The following APBA2 variants were observed in gnomAD, a reference collection of about 807,000 sequenced individuals.
The protein encoded by APBA2 is amyloid-beta A4 precursor protein-binding family A member 2.
APBA2 carries 30 observed loss-of-function variants against 75.0 expected under a neutral mutation model. That is an observed-to-expected ratio of 0.40 (90% CI 0.30 to 0.54). The LOEUF (loss-of-function observed/expected upper bound fraction) is 0.54. Among genes scored for constraint, APBA2 ranks in the 20% least tolerant of loss-of-function variants. The pLI is 0.49. For synonymous variants in APBA2, 444 were observed against 409.6 expected, an observed-to-expected ratio of 1.08 and a Z score of -1.01; for missense variants, 801 against 1,016.1, an observed-to-expected ratio of 0.79 and a Z score of 2.88.
rs192987601 is a variant in APBA2, at chr15:29,043,719, G to T, written c.-40-10126G>T. Among the ~76,000 whole-genome samples the T allele has an allele frequency of 4.6e-5, 7 of 152,254 alleles. No homozygotes were observed. In the East Asian group the frequency reaches 1.3e-3, roughly 29 times the overall value. On this transcript the variant is annotated intron_variant, in intron 3 of 14. Transcript: ENST00000683413. ...ATTTATCTAGGATCCTGTTATTGAA[G>T]GTTTAGTGTGTGCTCAATATTTTTG...
chr15:29,046,130 T>C lies in APBA2; in HGVS notation c.-40-7715T>C, dbSNP rs1375322227. Among the ~76,000 whole-genome samples the C allele has an allele frequency of 1.3e-5, 2 of 152,108 alleles. No homozygotes were observed. The highest frequency in any genetic ancestry group is 4.8e-5 in the African/African-American group (2 of 41,412). ...TGAAAAAGTTGCTTACACATTGAGG[T>C]GTGTTAAATGGAATTCTTTATCATA... On this transcript the variant is annotated intron_variant, in intron 3 of 14. Transcript: ENST00000683413. The surrounding 1 kb of genome is among the most constrained non-coding windows in gnomAD (Gnocchi z 5.0).
At chr15:29,062,383 T>C (rs1252820434) in intron 4 of APBA2, among the ~76,000 whole-genome samples, 1 of 152,138 alleles carries the variant, frequency 6.6e-6, no homozygotes, top group Non-Finnish European at 1.5e-5. Context: ...CTGCTACTGA[T>C]TCCCAGGATT....
intron 14 of APBA2, among the ~76,000 whole-genome samples, chr15:29,116,244 C>G (rs2045121969): frequency 6.6e-6 from 1 of 152,140 alleles, no homozygotes; most frequent in African/African-American, 2.4e-5. Context: ...CTCACCGATC[C>G]CCAAAGGCTA....
intron 2 of APBA2, among the ~76,000 whole-genome samples, chr15:28,969,901 C>T (rs1350948466): frequency 6.6e-6 from 1 of 152,252 alleles, no homozygotes; most frequent in African/African-American, 2.4e-5. Context: ...AAGGCACTGC[C>T]AGCTGCTCAC....
Position 28,939,974 on chromosome 15 carries a change from C to T in APBA2, c.-95+18225C>T, listed in dbSNP as rs555361071. ...TAGTGTACGTGGCTGTGCGCTCCAT[C>T]TCCGTGCTTACAGCCCTACAAAGTG... On this transcript the variant is annotated intron_variant, in intron 2 of 14. Transcript: ENST00000683413. Among the ~76,000 whole-genome samples, 414 of 152,322 alleles carry T rather than the reference C, an allele frequency of 2.7e-3. 1 individual carries two copies. The highest frequency in any genetic ancestry group is 4.7e-3 in the Non-Finnish European group (318 of 68,026).
intron 1 of APBA2, among the ~76,000 whole-genome samples, chr15:28,886,791 C>G (rs1442016348): frequency 6.6e-6 from 1 of 152,198 alleles, no homozygotes; most frequent in African/African-American, 2.4e-5. Flanking sequence ...GAGGGGAAAA[C>G]TTATCAATTC....
intron 2 of APBA2, among the ~76,000 whole-genome samples, chr15:28,982,579 A>G (rs574014345): frequency 2.0e-5 from 3 of 152,342 alleles, no homozygotes; most frequent in Non-Finnish European, 2.9e-5. Context: ...CTGATGATAT[A>G]TATTTCTGCT....
chr15:29,104,778 T>G (rs966975276), intron 10 of APBA2, among the ~76,000 whole-genome samples: 3 of 152,090 alleles, frequency 2.0e-5, no homozygotes, highest in Admixed American at 2.0e-4. Flanking sequence ...CGGCATCAGA[T>G]GAGTGGAAAG....
chr15:28,985,432 A>G (rs2037869347), intron 2 of APBA2, among the ~76,000 whole-genome samples: 1 of 152,204 alleles, frequency 6.6e-6, no homozygotes, highest in African/African-American at 2.4e-5. Context: ...AGAGCACTGA[A>G]AGGAGGCCTA....
chr15:28,971,511 C>T (rs985143413), intron 2 of APBA2, among the ~76,000 whole-genome samples: 14 of 152,158 alleles, frequency 9.2e-5, no homozygotes, highest in Non-Finnish European at 1.8e-4. Context: ...TAAGAGACAT[C>T]TGAAATGTCA....
intron 1 of APBA2, among the ~76,000 whole-genome samples, chr15:28,903,500 T>G (rs1286589086): frequency 6.6e-6 from 1 of 152,326 alleles, no homozygotes; most frequent in South Asian, 2.1e-4. Flanking sequence ...CCATTTCAGC[T>G]TCAAGTTACA....
rs550402041 is a variant in APBA2, at chr15:29,079,141, C to T, written c.1069+3050C>T. Among the ~76,000 whole-genome samples the T allele has an allele frequency of 2.0e-5, 3 of 152,160 alleles. No individual in the cohort carries two copies. In the South Asian group the frequency reaches 6.2e-4, roughly 32 times the overall value. On this transcript the variant is annotated intron_variant, in intron 6 of 14. Transcript: ENST00000683413. ...GTGACCCTGGAAGCTATGCCCCACC[C>T]ATGGGGTGATTGTGAGAGATACTGG...
chr15:28,969,561 G>A (rs1025505592), intron 2 of APBA2, among the ~76,000 whole-genome samples: 2 of 152,186 alleles, frequency 1.3e-5, no homozygotes, highest in Non-Finnish European at 2.9e-5. Flanking sequence ...GACACACAGA[G>A]TGTTTTGAAA....
chr15:28,976,623 G>A (rs954095558), intron 2 of APBA2, among the ~76,000 whole-genome samples: 8 of 152,212 alleles, frequency 5.3e-5, no homozygotes, highest in South Asian at 2.1e-4. Context: ...ATGTGATTGC[G>A]ACAATAGCTT....
intron 2 of APBA2, among the ~76,000 whole-genome samples, chr15:28,968,556 C>T (rs1027227254): frequency 6.6e-6 from 1 of 152,112 alleles, no homozygotes; most frequent in African/African-American, 2.4e-5. Context: ...CCGTCTCTTT[C>T]GCAGGATTAG....
chr15:29,078,292 CA>C (rs201913159), intron 6 of APBA2, among the ~76,000 whole-genome samples: 2 of 148,838 alleles, frequency 1.3e-5, no homozygotes, highest in African/African-American at 2.5e-5. Context: ...AACTCCGTAT[CA>C]AAAAAAATAT....
At position 29,054,889 on chromosome 15, in the gene APBA2, C is replaced by T. The variant is rs1445723667; in HGVS notation, c.951+54C>T. The T allele has an allele frequency of 1.4e-5, 21 of 1,528,484 alleles. No individual in the cohort carries two copies. In the Middle Eastern group the frequency reaches 5.6e-4, roughly 41 times the overall value. 94.7% of individuals were successfully genotyped at this position (1,528,484 alleles called of 1,614,324 possible). A position where few individuals can be genotyped will look rare whatever the true frequency, so the allele number is the denominator to read the frequency against. ...AGCAGAGGGGCCCGAGAGCAAGGGA[C>T]CTCAGGGTACAGGCCTTGCAGATGC... On this transcript the variant is annotated intron_variant, in intron 4 of 14. Transcript: ENST00000683413. This position sits in a 1 kb window ranked among gnomAD's most constrained non-coding sequence, Gnocchi z 6.1.
intron 4 of APBA2, among the ~76,000 whole-genome samples, chr15:29,060,792 T>G (rs559519983): frequency 1.3e-5 from 2 of 152,342 alleles, no homozygotes; most frequent in Admixed American, 1.3e-4. Context: ...TATTGATTTT[T>G]TTTTTCATGC....
intron 3 of APBA2, among the ~76,000 whole-genome samples, chr15:29,045,103 C>CTCTCTCTCTCTCTCTCTCTCTTTCTT (rs57446098): frequency 1.4e-5 from 2 of 140,288 alleles, no homozygotes; most frequent in African/African-American, 5.5e-5. Flanking sequence ...CTCTCTCTCT[C>CTCTCTCTCTCTCTCTCTCTCTTTCTT]GTCTCGCACT....
Sources: allele counts gnomAD v4.1 joint callset (sites outside exome capture counted in the v4.1 genomes callset), GRCh38; gene constraint gnomAD v4.1.1; non-coding constraint Gnocchi (gnomAD v3.1); transcripts MANE v1.5; gene names NCBI Gene and HGNC (gene_info 2026-07-23, HGNC 2026-07-21).